GTF3C4: variants seen among roughly 807,000 people sequenced by gnomAD.
GTF3C4 encodes the protein general transcription factor 3C polypeptide 4.
A neutral mutation model predicts 67.5 loss-of-function variants in GTF3C4; 28 were observed. That is an observed-to-expected ratio of 0.41 (90% CI 0.31 to 0.57). The LOEUF is 0.57. Among genes scored for constraint, GTF3C4 ranks in the 20% least tolerant of loss-of-function variants. The probability of loss-of-function intolerance (pLI) is 0.21; values close to 1 mark genes in which losing one functional copy is unlikely to be tolerated. For synonymous variants in GTF3C4, 409 were observed against 393.0 expected, an observed-to-expected ratio of 1.04 and a Z score of -0.48; for missense variants, 831 against 1,033.2, an observed-to-expected ratio of 0.80 and a Z score of 2.68.
chr9:132,681,585 T>C (rs1405848297), intron 2 of GTF3C4, among the ~76,000 whole-genome samples: 3 of 152,192 alleles, frequency 2.0e-5, no homozygotes, highest in African/African-American at 7.2e-5. Context: ...TTTTAGACAC[T>C]TTTTCTGAAT....
rs1835905335 is a variant in GTF3C4, at chr9:132,679,144, C to T, written c.1525C>T (p.Gln509Ter). The change falls in exon 2 of 5, where the codon CAG (glutamine) becomes TAG (stop). Residue 509 changes from glutamine to a stop codon, truncating the protein, a stop_gained. Coordinates refer to ENST00000372146, the MANE Select transcript of GTF3C4 (RefSeq NM_012204.4). LOFTEE classifies it high-confidence loss of function. This position sits in a 1 kb window ranked among gnomAD's most constrained non-coding sequence, Gnocchi z 5.9. The part of the protein sequence containing the change: ...NGLHPVNKNY[Q>*]VQFVTLKTFE... ...CCTCCACCCTGTTAACAAAAACTAC[C>T]AGGTCCAATTTGTTACTCTCAAAAC... 1.2e-6 allele frequency: 2 copies of T among 1,614,054 alleles called. No individual in the cohort carries two copies. Among genetic ancestry groups the T allele is most frequent in the Non-Finnish European group, 1.7e-6 (2 of 1,180,028 alleles).
At chr9:132,676,426 C>T (rs1835866119) in intron 1 of GTF3C4, among the ~76,000 whole-genome samples, 1 of 150,168 alleles carries the variant, frequency 6.7e-6, no homozygotes, top group Non-Finnish European at 1.5e-5. Context: ...TCAAGCAGTT[C>T]TCCTGCCTCA....
chr9:132,675,806 C>T (rs965847679), intron 1 of GTF3C4, among the ~76,000 whole-genome samples: 1 of 150,156 alleles, frequency 6.7e-6, no homozygotes, highest in African/African-American at 2.5e-5. Context: ...GGACAATTTT[C>T]TATTTACATT....
chr9:132,677,533 A>G (rs1206963837), intron 1 of GTF3C4, among the ~76,000 whole-genome samples: 2 of 152,236 alleles, frequency 1.3e-5, no homozygotes. Flanking sequence ...GAACTAGGCA[A>G]GGGAGCCGGG....
In GTF3C4 at chr9:132,683,579, T is replaced by C; in HGVS notation, c.2201T>C (p.Ile734Thr). 2 of 1,612,556 alleles carry C rather than the reference T, an allele frequency of 1.2e-6. No individual in the cohort carries two copies. The highest frequency in any genetic ancestry group is 8.5e-7 in the Non-Finnish European group (1 of 1,179,650). Residue 734 changes from isoleucine (I) to threonine (T), a missense_variant, in exon 3 of 5, where the codon ATC becomes ACC. Transcript: ENST00000372146. ...TCTTACTAGGTGCTGATTGGACATATCTCAAAGAAGATGAACAAACAGACT... is the reference window on the plus strand; with the variant it reads ...TCTTACTAGGTGCTGATTGGACATACCTCAAAGAAGATGAACAAACAGACT... ...DRTARVLIGH[I>T]SKKMNKQTFP...
chr9:132,691,783 C>T lies in GTF3C4; in HGVS notation c.*2838C>T, dbSNP rs536938930. The T allele has an allele frequency of 1.3e-5, 2 of 152,306 alleles. No homozygotes were observed. Among genetic ancestry groups the T allele is most frequent in the Admixed American group, 1.3e-4 (2 of 15,300 alleles). The allele number at this position is 152,306 out of a possible 1,614,324, so 9.4% of individuals were successfully genotyped here. On this transcript the variant is annotated 3_prime_UTR_variant, in exon 5 of 5. Coordinates refer to ENST00000372146, the MANE Select transcript of GTF3C4 (RefSeq NM_012204.4). ...AGTTATTAGAGCCACTGGCAAAGCT[C>T]ATGGTTGAATATGACATTTTTCTGC...
intron 1 of GTF3C4, among the ~76,000 whole-genome samples, chr9:132,674,188 T>C (rs1347953155): frequency 6.6e-6 from 1 of 152,216 alleles, no homozygotes; most frequent in Non-Finnish European, 1.5e-5. Context: ...CCATTAAAAG[T>C]GATGGTGAAA....
At position 132,692,460 on chromosome 9, in the gene GTF3C4, T is replaced by G. The variant is rs1405543032; in HGVS notation, c.*3515T>G. ...AATTTTAGCTCCTTCCCACCACCTG[T>G]TTCCCCTCACTCCCACCCCCAGCCA... On this transcript the variant is annotated 3_prime_UTR_variant, in exon 5 of 5. Transcript: ENST00000372146. 6.6e-6 allele frequency: 1 copy of G among 152,144 alleles called. No individual in the cohort carries two copies. Among genetic ancestry groups the G allele is most frequent in the Admixed American group, 6.6e-5 (1 of 15,256 alleles). 9.4% of individuals were successfully genotyped at this position (152,144 alleles called of 1,614,324 possible).
chr9:132,670,537 C>G lies in GTF3C4; in HGVS notation c.-62C>G, dbSNP rs1384062591. 1 of 1,256,370 alleles carries G rather than the reference C, an allele frequency of 8.0e-7. No homozygotes were observed. Among genetic ancestry groups the G allele is most frequent in the African/African-American group, 1.6e-5 (1 of 63,880 alleles). 77.8% of individuals were successfully genotyped at this position (1,256,370 alleles called of 1,614,324 possible). A position where few individuals can be genotyped will look rare whatever the true frequency, so the allele number is the denominator to read the frequency against. ...GGCGCTGGGGGTGGCGGCGGCGGTCCGGGAGGTGGTCGCGCGACTGCGTGG... is the reference window on the plus strand; with the variant it reads ...GGCGCTGGGGGTGGCGGCGGCGGTCGGGGAGGTGGTCGCGCGACTGCGTGG... On this transcript the variant is annotated 5_prime_UTR_variant, in exon 1 of 5. Coordinates refer to ENST00000372146, the MANE Select transcript of GTF3C4 (RefSeq NM_012204.4).
rs1160595911 is a variant in GTF3C4, at chr9:132,692,308, CTA to C, written c.*3365_*3366del. 6.6e-6 allele frequency: 1 copy of C among 152,154 alleles called. No individual in the cohort carries two copies. Among genetic ancestry groups the C allele is most frequent in the Non-Finnish European group, 1.5e-5 (1 of 68,032 alleles). 9.4% of individuals were successfully genotyped at this position (152,154 alleles called of 1,614,324 possible). A position where few individuals can be genotyped will look rare whatever the true frequency, so the allele number is the denominator to read the frequency against. Reference sequence around the variant, plus strand: ...GTGGGGTCTCACTTCCTAGAAGAAACTATTGGTAATATTTCTTTCTAAAGGTA... The same window carrying C: ...GTGGGGTCTCACTTCCTAGAAGAAACTTGGTAATATTTCTTTCTAAAGGTA... On this transcript the variant is annotated 3_prime_UTR_variant, in exon 5 of 5. Coordinates refer to ENST00000372146, the MANE Select transcript of GTF3C4 (RefSeq NM_012204.4).
In GTF3C4 at chr9:132,689,047, G is replaced by A. The variant is rs1836073473; in HGVS notation, c.*102G>A. 1.9e-5 allele frequency: 16 copies of A among 833,758 alleles called. No individual in the cohort carries two copies. Among genetic ancestry groups the A allele is most frequent in the South Asian group, 1.5e-4 (11 of 72,306 alleles). The allele number at this position is 833,758 out of a possible 1,614,324, so 51.6% of individuals were successfully genotyped here. A position where few individuals can be genotyped will look rare whatever the true frequency, so the allele number is the denominator to read the frequency against. ...GCACTGGAGGAAGCCGGACCCTCAC[G>A]AGTGGAGAGAAGTCCTTGGTGATTG... On this transcript the variant is annotated 3_prime_UTR_variant, in exon 5 of 5. Coordinates refer to ENST00000372146, the MANE Select transcript of GTF3C4 (RefSeq NM_012204.4).
intron 1 of GTF3C4, among the ~76,000 whole-genome samples, chr9:132,675,094 C>T (rs900728999): frequency 1.3e-5 from 2 of 152,136 alleles, no homozygotes; most frequent in Non-Finnish European, 2.9e-5. Flanking sequence ...TTATTGAGCG[C>T]TTAATATATG....
At chr9:132,672,250 A>T (rs149864049) in intron 1 of GTF3C4, among the ~76,000 whole-genome samples, 5 of 152,342 alleles carry the variant, frequency 3.3e-5, no homozygotes, top group Middle Eastern at 3.4e-3. Flanking sequence ...GTTTCCAAGG[A>T]TGTTCATCCG....
intron 1 of GTF3C4, among the ~76,000 whole-genome samples, chr9:132,672,694 G>A (rs1456924706): frequency 6.6e-6 from 1 of 152,138 alleles, no homozygotes; most frequent in Non-Finnish European, 1.5e-5. Context: ...CTGTGGTTCA[G>A]GAACATTACT....
chr9:132,671,036 C>T lies in GTF3C4; in HGVS notation c.357+81C>T, dbSNP rs1356558296. 3 of 947,106 alleles carry T rather than the reference C, an allele frequency of 3.2e-6. No homozygotes were observed. The African/African-American group carries it at 4.9e-5, about 16-fold the overall frequency. The allele number at this position is 947,106 out of a possible 1,614,324, so 58.7% of individuals were successfully genotyped here. A position where few individuals can be genotyped will look rare whatever the true frequency, so the allele number is the denominator to read the frequency against. On this transcript the variant is annotated intron_variant, in intron 1 of 4. Coordinates refer to ENST00000372146, the MANE Select transcript of GTF3C4 (RefSeq NM_012204.4). ...ATCATCCGTCCCAGGGGAATCCGAT[C>T]CCACACTCTGTCCGGGGATTTCCCT...
intron 2 of GTF3C4, among the ~76,000 whole-genome samples, chr9:132,680,323 C>T (rs1835922321): frequency 1.3e-5 from 2 of 152,214 alleles, no homozygotes; most frequent in Admixed American, 1.3e-4. Context: ...ACAGAACAAA[C>T]TTACCTAGAA....
In GTF3C4 at chr9:132,679,639, G is replaced by C; in HGVS notation, c.2020G>C (p.Gly674Arg). ...PMEEKLLEIQ[G>R]KIEAVEMHLT... is the part of the protein sequence containing the mutation. ...GGAAGAGAAACTCCTGGAAATCCAAGGGAAAATCGAAGCTGTGGAGATGCA... is the reference window on the plus strand; with the variant it reads ...GGAAGAGAAACTCCTGGAAATCCAACGGAAAATCGAAGCTGTGGAGATGCA... The change falls in exon 2 of 5, where the codon GGG (glycine) becomes CGG (arginine). Residue 674 changes from glycine (G) to arginine (R), a missense_variant. By Grantham distance (125) the Gly-to-Arg change is moderately radical. This residue lies in a region of GTF3C4 where 129 missense variants were observed against 213.8 expected (regional missense o/e 0.60). Coordinates refer to ENST00000372146, the MANE Select transcript of GTF3C4 (RefSeq NM_012204.4). This position sits in a 1 kb window ranked among gnomAD's most constrained non-coding sequence, Gnocchi z 5.9. The C allele has an allele frequency of 6.2e-7, 1 of 1,614,166 alleles. No individual in the cohort carries two copies. Among genetic ancestry groups the C allele is most frequent in the Non-Finnish European group, 8.5e-7 (1 of 1,180,048 alleles).
chr9:132,688,895 A>G lies in GTF3C4; in HGVS notation c.2419A>G (p.Lys807Glu), dbSNP rs1458168319. 1 of 1,612,430 alleles carries G rather than the reference A, an allele frequency of 6.2e-7. No homozygotes were observed. The highest frequency in any genetic ancestry group is 1.1e-5 in the South Asian group (1 of 91,046). The change falls in exon 5 of 5, where the codon AAG (lysine) becomes GAG (glutamate). Residue 807 changes from lysine (K) to glutamate (E), a missense_variant. Lys to Glu is a moderately conservative substitution (Grantham distance 56). This residue lies in a region of GTF3C4 where 129 missense variants were observed against 213.8 expected (regional missense o/e 0.60). Coordinates refer to ENST00000372146, the MANE Select transcript of GTF3C4 (RefSeq NM_012204.4). The part of the protein sequence containing the change: ...HPAPEDPDWI[K>E]RLLQSPCPFC... The stretch of plus-strand genomic sequence containing the variant: ...TCCTTTTGCAGATCCCGACTGGATT[A>G]AGAGGTTACTGCAAAGCCCCTGCCC...
At chr9:132,670,439 G>T, upstream of GTF3C4, 1 of 962,642 alleles carries the variant, frequency 1.0e-6, no homozygotes, top group Non-Finnish European at 1.4e-6. Context: ...GTAGGGCCGC[G>T]TTGCCTGGCA....
Sources: allele counts gnomAD v4.1 joint callset (sites outside exome capture counted in the v4.1 genomes callset), GRCh38; gene constraint gnomAD v4.1.1; regional missense constraint gnomAD v4.1.1; non-coding constraint Gnocchi (gnomAD v3.1); transcripts MANE v1.5; gene names NCBI Gene and HGNC (gene_info 2026-07-23, HGNC 2026-07-21).